Variants in ADAM10 observed in about 807,000 individuals in gnomAD.
ADAM10 encodes disintegrin and metalloproteinase domain-containing protein 10.
ADAM10 carries 17 observed loss-of-function variants against 90.1 expected under a neutral mutation model. The observed-to-expected ratio is 0.19, with a 90% confidence interval of 0.13 to 0.28. The LOEUF (loss-of-function observed/expected upper bound fraction) is 0.28, where lower values mean the gene tolerates loss of function less well. Ranked by LOEUF, ADAM10 falls within the 10% of genes least tolerant of loss-of-function variation. ADAM10 has a pLI of 1.00. For synonymous variants in ADAM10, 310 were observed against 298.6 expected (o/e 1.04, Z -0.40); for missense variants, 610 against 914.3 (o/e 0.67, Z 4.29).
rs555713451 is a variant in ADAM10 at position 58,723,361 on chromosome 15, C to T, written c.56-5634G>A. Among the ~76,000 whole-genome samples, 10 of 152,076 alleles carry T rather than the reference C, an allele frequency of 6.6e-5. No homozygotes were observed. The East Asian group carries it at 1.4e-3, about 21-fold the overall frequency. On this transcript the variant is annotated intron_variant, in intron 1 of 15. Coordinates refer to ENST00000260408, the MANE Select transcript of ADAM10 (RefSeq NM_001110.4). Reference sequence around the variant, plus strand: ...AAGATTGGAAGGCGGAAAAAAAATACACTGGTCTCAGAGGCAGAAAGAAAA... The same window carrying T: ...AAGATTGGAAGGCGGAAAAAAAATATACTGGTCTCAGAGGCAGAAAGAAAA...
chr15:58,671,652 T>C (rs1250269434), intron 4 of ADAM10, among the ~76,000 whole-genome samples: 9 of 152,220 alleles, frequency 5.9e-5, no homozygotes, highest in Non-Finnish European at 1.5e-5. Context: ...GGCAGGAGGA[T>C]GACTTGAGCT....
At chr15:58,694,578 T>C (rs984953918) in intron 2 of ADAM10, among the ~76,000 whole-genome samples, 27 of 152,074 alleles carry the variant, frequency 1.8e-4, no homozygotes, top group African/African-American at 6.0e-4. Context: ...GACCCAGCAA[T>C]TCTACTCAAG....
chr15:58,735,325 G>A (rs759351835), intron 1 of ADAM10, among the ~76,000 whole-genome samples: 46 of 152,040 alleles, frequency 3.0e-4, no homozygotes, highest in Non-Finnish European at 5.0e-4. Flanking sequence ...TATTACCTAC[G>A]CAGGACAAAA....
intron 1 of ADAM10, among the ~76,000 whole-genome samples, chr15:58,746,209 C>T (rs575656109): frequency 1.3e-5 from 2 of 152,304 alleles, no homozygotes; most frequent in South Asian, 4.1e-4. Flanking sequence ...TCACCCCTCT[C>T]TCATAACTGT....
chr15:58,626,086 T>C (rs1035080086), intron 10 of ADAM10, among the ~76,000 whole-genome samples: 1 of 151,774 alleles, frequency 6.6e-6, no homozygotes, highest in African/African-American at 2.4e-5. Context: ...TGATGGTGGA[T>C]ACATAAATCT....
rs140596107 is a variant in ADAM10, at chr15:58,695,885, G to A, written c.207-13571C>T. Among the ~76,000 whole-genome samples the A allele has an allele frequency of 1.4e-3, 214 of 152,092 alleles. 1 individual carries two copies. The highest frequency in any genetic ancestry group is 4.8e-3 in the African/African-American group (201 of 41,512). On this transcript the variant is annotated intron_variant, in intron 2 of 15. Coordinates refer to ENST00000260408, the MANE Select transcript of ADAM10 (RefSeq NM_001110.4). ...TTATCCCAGCACTTTGGGAGGCCGA[G>A]GCGGGTGGATCACCGGAGGTCAGGA...
intron 1 of ADAM10, among the ~76,000 whole-genome samples, chr15:58,743,994 G>C (rs1279322198): frequency 6.6e-6 from 1 of 152,138 alleles, no homozygotes; most frequent in Non-Finnish European, 1.5e-5. Context: ...CAATAATCTA[G>C]TATATTAGTA....
At chr15:58,717,820 AAAC>A in intron 1 of ADAM10, 93 bp from the exon 2 acceptor site, 9 of 1,508,874 alleles carry the variant, frequency 6.0e-6, no homozygotes, top group Non-Finnish European at 8.0e-6. Flanking sequence ...AATATGTATG[AAAC>A]AACTTCTCCC....
At chr15:58,597,790 C>T (rs1427494174) in intron 15 of ADAM10, 149 bp from the exon 16 acceptor site, 4 of 672,638 alleles carry the variant, frequency 5.9e-6, no homozygotes, top group East Asian at 3.1e-5. Context: ...CTTCTGATAG[C>T]CACAATAAAA....
In ADAM10 at chr15:58,590,285, G is replaced by A. The variant is rs1412941970; in HGVS notation, c.*7262C>T. Reference sequence around the variant, plus strand: ...TCACCAAAAACCTCCTCCTCAGCATGTATCACAGCTGGAATTGTACATTTA... The same window carrying A: ...TCACCAAAAACCTCCTCCTCAGCATATATCACAGCTGGAATTGTACATTTA... On this transcript the variant is annotated 3_prime_UTR_variant, in exon 16 of 16. Transcript: ENST00000260408. The A allele has an allele frequency of 5.3e-5, 8 of 152,134 alleles. No individual in the cohort carries two copies. The allele number at this position is 152,134 out of a possible 1,614,324, so 9.4% of individuals were successfully genotyped here.
intron 9 of ADAM10, among the ~76,000 whole-genome samples, chr15:58,628,425 T>TA (rs770142731): frequency 6.6e-6 from 1 of 152,172 alleles, no homozygotes; most frequent in Non-Finnish European, 1.5e-5. Context: ...CAATGATATA[T>TA]TTTTAAATGA....
intron 9 of ADAM10, chr15:58,629,590 A>G (rs1375999341): frequency 6.6e-6 from 1 of 152,218 alleles, no homozygotes; most frequent in Non-Finnish European, 1.5e-5. Context: ...TCTTTGTGAC[A>G]AGAAAACAGA....
chr15:58,623,333 A>G (rs1895844023), intron 10 of ADAM10, among the ~76,000 whole-genome samples: 1 of 152,218 alleles, frequency 6.6e-6, no homozygotes, highest in Non-Finnish European at 1.5e-5. Context: ...ATAGGAGCCT[A>G]GCTGAACCCT....
In ADAM10 at chr15:58,597,266, C is replaced by G. The variant is rs1395923594; in HGVS notation, c.*281G>C. 4.8e-6 allele frequency: 5 copies of G among 1,042,154 alleles called. No individual in the cohort carries two copies. The African/African-American group carries it at 8.1e-5, about 17-fold the overall frequency. 64.6% of individuals were successfully genotyped at this position (1,042,154 alleles called of 1,614,324 possible). A position where few individuals can be genotyped will look rare whatever the true frequency, so the allele number is the denominator to read the frequency against. ...AAATGCAGCAACGAAGAACAGGGAA[C>G]ACGGGGCACATAATAATATTCTAAG... On this transcript the variant is annotated 3_prime_UTR_variant, in exon 16 of 16. Transcript: ENST00000260408.
chr15:58,653,063 T>C (rs1231041789), intron 5 of ADAM10, among the ~76,000 whole-genome samples: 1 of 152,240 alleles, frequency 6.6e-6, no homozygotes, highest in Non-Finnish European at 1.5e-5. Context: ...TGTACGTTGA[T>C]TTTGTATCCT....
At chr15:58,605,921 C>T (rs970162865) in intron 14 of ADAM10, among the ~76,000 whole-genome samples, 5 of 151,934 alleles carry the variant, frequency 3.3e-5, no homozygotes, top group Non-Finnish European at 5.9e-5. Flanking sequence ...ACAAAAAGAA[C>T]CTATATGGTA....
intron 5 of ADAM10, among the ~76,000 whole-genome samples, chr15:58,655,819 T>C (rs1337375227): frequency 7.2e-6 from 1 of 138,260 alleles, no homozygotes; most frequent in Non-Finnish European, 1.5e-5. Context: ...GGATCTCAGC[T>C]CACTGCAACC....
chr15:58,679,351 T>C (rs1035670915), intron 3 of ADAM10, 69 bp from the exon 4 acceptor site: 30 of 1,297,618 alleles, frequency 2.3e-5, no homozygotes, highest in Non-Finnish European at 3.0e-5. Context: ...TTCATATATA[T>C]GTATATATGT....
rs1894875502 is a variant in ADAM10, at chr15:58,593,511, G to C, written c.*4036C>G. 1 of 152,386 alleles carries C rather than the reference G, an allele frequency of 6.6e-6. No individual in the cohort carries two copies. Among genetic ancestry groups the C allele is most frequent in the Non-Finnish European group, 1.5e-5 (1 of 68,280 alleles). 9.4% of individuals were successfully genotyped at this position (152,386 alleles called of 1,614,324 possible). On this transcript the variant is annotated 3_prime_UTR_variant, in exon 16 of 16. Transcript: ENST00000260408. ...TGAGCCACCGCACCCAGCCCTGCCA[G>C]GTACCCAAATCTTACCAGTGCAAAC... is the stretch of plus-strand genomic sequence containing the variant.
Sources: allele counts gnomAD v4.1 joint callset (sites outside exome capture counted in the v4.1 genomes callset), GRCh38; gene constraint gnomAD v4.1.1; transcripts MANE v1.5; gene names NCBI Gene and HGNC (gene_info 2026-07-23, HGNC 2026-07-21).